Variants in PDE3A observed in about 807,000 individuals in gnomAD.
PDE3A encodes phosphodiesterase 3A.
Under a neutral mutation model 98.3 loss-of-function variants are expected in PDE3A, and 43 were observed. The ratio of observed to expected loss-of-function variants is 0.44; its 90% confidence interval spans 0.34 to 0.56. The LOEUF (loss-of-function observed/expected upper bound fraction) is 0.56. PDE3A is among the 20% of genes least tolerant of loss of function. The pLI, the probability that PDE3A is intolerant of heterozygous loss-of-function variation, is 0.01. For synonymous variants in PDE3A, 663 were observed against 567.9 expected (o/e 1.17, Z -2.38); for missense variants, 1,427 against 1,440.7 (o/e 0.99, Z 0.15).
chr12:20,611,895 AT>A (rs199728715), intron 2 of PDE3A, among the ~76,000 whole-genome samples: 5 of 148,172 alleles, frequency 3.4e-5, no homozygotes, highest in African/African-American at 1.2e-4. Context: ...ATATAATGAA[AT>A]TTAAAAAAAA....
At chr12:20,607,344 G>T (rs1943735033) in intron 2 of PDE3A, among the ~76,000 whole-genome samples, 1 of 151,612 alleles carries the variant, frequency 6.6e-6, no homozygotes, top group Admixed American at 6.6e-5. Flanking sequence ...GGCTGAGGTT[G>T]GAGGATTACT....
At chr12:20,515,699 ATTATTTATTTATTTATTTATTTAT>A (rs58454608) in intron 1 of PDE3A, among the ~76,000 whole-genome samples, 40 of 141,082 alleles carry the variant, frequency 2.8e-4, no homozygotes, top group African/African-American at 9.4e-4. Flanking sequence ...CTCACACTGT[ATTATTTATTTATTTATTTATTTAT>A]TTATTTATTT....
chr12:20,595,788 G>T lies in PDE3A; in HGVS notation c.1012-17655G>T, dbSNP rs143179992. 3.7e-4 allele frequency among the ~76,000 whole-genome samples: 57 copies of T among 152,226 alleles called. 1 individual carries two copies. In the East Asian group the frequency reaches 0.011, roughly 29 times the overall value. ...TGAAAGGGGCCATTGCATCTGCTCT[G>T]TGTCCATTTTTAAGATAAAGCTTTG... On this transcript the variant is annotated intron_variant, in intron 2 of 15. Transcript: ENST00000359062.
chr12:20,472,680 G>A (rs1434601415), intron 1 of PDE3A, among the ~76,000 whole-genome samples: 3 of 152,034 alleles, frequency 2.0e-5, no homozygotes, highest in Non-Finnish European at 4.4e-5. Context: ...AAAAAATAAA[G>A]AACAGTTTAA....
rs1229387896 is a variant in PDE3A at position 20,654,161 on chromosome 12, C to T, written c.3140C>T (p.Pro1047Leu). The T allele has an allele frequency of 6.2e-7, 1 of 1,614,032 alleles. No homozygotes were observed. Among genetic ancestry groups the T allele is most frequent in the Non-Finnish European group, 8.5e-7 (1 of 1,179,902 alleles). The change falls in exon 15 of 16, where the codon CCA becomes CTA. Residue 1047 changes from proline to leucine, a missense_variant. Physicochemically the swap from Pro to Leu is moderately conservative, Grantham distance 98 (BLOSUM62 -3). Around this residue, in one of 3 missense-constraint regions of PDE3A, gnomAD observed 142 missense variants for 133.9 expected, o/e 1.06. Coordinates refer to ENST00000359062, the MANE Select transcript of PDE3A (RefSeq NM_000921.5). ...DDPEEEEEEA[P>L]APNEEETCEN... is the part of the protein sequence containing the mutation. ...CCAGAAGAAGAGGAGGAAGAAGCACCAGCACCAAATGAAGAGGAAACCTGT... is the reference window on the plus strand; with the variant it reads ...CCAGAAGAAGAGGAGGAAGAAGCACTAGCACCAAATGAAGAGGAAACCTGT...
At chr12:20,585,803 A>C (rs753924474) in intron 2 of PDE3A, among the ~76,000 whole-genome samples, 2 of 151,708 alleles carry the variant, frequency 1.3e-5, no homozygotes, top group Admixed American at 6.6e-5. Context: ...TTCAGTTTTG[A>C]CTTTGGTTCA....
In PDE3A at chr12:20,552,007, CTAG is replaced by C; in HGVS notation, c.961-4651_961-4649del. ...CCGGAGCAACGACGGAGCGTACTCC[CTAG>C]TCCTGGCGGGGGGCTACGAGGATGA... On this transcript the variant is annotated intron_variant, in intron 1 of 15. Coordinates refer to ENST00000359062, the MANE Select transcript of PDE3A (RefSeq NM_000921.5). This position sits in a 1 kb window ranked among gnomAD's most constrained non-coding sequence, Gnocchi z 5.1. The C allele has an allele frequency of 6.2e-7, 1 of 1,612,518 alleles. No individual in the cohort carries two copies. The highest frequency in any genetic ancestry group is 1.7e-5 in the Admixed American group (1 of 60,028).
chr12:20,675,654 T>C (rs1945616476), intron 15 of PDE3A, among the ~76,000 whole-genome samples: 1 of 152,238 alleles, frequency 6.6e-6, no homozygotes, highest in Admixed American at 6.5e-5. Flanking sequence ...TATTGGTGCA[T>C]ATATGTTTAG....
chr12:20,422,604 C>T (rs1342751537), intron 1 of PDE3A, among the ~76,000 whole-genome samples: 1 of 152,022 alleles, frequency 6.6e-6, no homozygotes, highest in East Asian at 1.9e-4. Context: ...AGAAAAACAC[C>T]ATAATTTAAA....
At chr12:20,438,336 A>G (rs1224691420) in intron 1 of PDE3A, among the ~76,000 whole-genome samples, 1 of 152,178 alleles carries the variant, frequency 6.6e-6, no homozygotes, top group Non-Finnish European at 1.5e-5. Context: ...TCTGCTGTAT[A>G]TAATGTTAAG....
intron 1 of PDE3A, among the ~76,000 whole-genome samples, chr12:20,456,098 T>C (rs1329480117): frequency 6.6e-6 from 1 of 152,156 alleles, no homozygotes; most frequent in African/African-American, 2.4e-5. Context: ...CGCGACAACC[T>C]GTAGCTTCCC....
rs1210593618 is a variant in PDE3A, at chr12:20,682,591, G to C, written c.*2320G>C. On this transcript the variant is annotated 3_prime_UTR_variant, in exon 16 of 16. Transcript: ENST00000359062. ...CAGTATATTTCTGAATTAACACCAG[G>C]TCTTCATTATTTAGAACTTACTAAA... 1 of 152,050 alleles carries C rather than the reference G, an allele frequency of 6.6e-6. No individual in the cohort carries two copies. Among genetic ancestry groups the C allele is most frequent in the Non-Finnish European group, 1.5e-5 (1 of 68,002 alleles). 9.4% of individuals were successfully genotyped at this position (152,050 alleles called of 1,614,324 possible). A position where few individuals can be genotyped will look rare whatever the true frequency, so the allele number is the denominator to read the frequency against.
At chr12:20,475,626 A>G (rs1283762091) in intron 1 of PDE3A, among the ~76,000 whole-genome samples, 2 of 152,074 alleles carry the variant, frequency 1.3e-5, no homozygotes, top group Non-Finnish European at 2.9e-5. Context: ...GCTACTCGAG[A>G]GGCTGAAGTA....
intron 15 of PDE3A, among the ~76,000 whole-genome samples, chr12:20,657,840 G>A (rs1206005462): frequency 2.0e-5 from 3 of 152,088 alleles, no homozygotes; most frequent in East Asian, 1.9e-4. Context: ...TGCCCTGGAA[G>A]GAAAAAAGAG....
chr12:20,626,943 G>A (rs1386640236), intron 5 of PDE3A, among the ~76,000 whole-genome samples: 5 of 152,008 alleles, frequency 3.3e-5, no homozygotes, highest in South Asian at 2.1e-4. Context: ...TAGTTAATCC[G>A]TGAGTTCCAA....
intron 2 of PDE3A, among the ~76,000 whole-genome samples, chr12:20,608,644 A>G (rs1278962620): frequency 6.6e-6 from 1 of 152,016 alleles, no homozygotes; most frequent in African/African-American, 2.4e-5. Context: ...TTTTTTCTAT[A>G]TATACAAGAA....
rs1945745942 is a variant in PDE3A at position 20,680,364 on chromosome 12, T to C, written c.*93T>C. 3 of 1,287,028 alleles carry C rather than the reference T, an allele frequency of 2.3e-6. No homozygotes were observed. The East Asian group carries it at 7.2e-5, about 31-fold the overall frequency. The allele number at this position is 1,287,028 out of a possible 1,614,324, so 79.7% of individuals were successfully genotyped here. On this transcript the variant is annotated 3_prime_UTR_variant, in exon 16 of 16. Transcript: ENST00000359062. ...ACATTTAGACACAACACTGTAGAAA[T>C]TTGAGATGGGCAAATGGCTATTGCA...
chr12:20,433,508 T>A (rs984780730), intron 1 of PDE3A, among the ~76,000 whole-genome samples: 4 of 152,170 alleles, frequency 2.6e-5, no homozygotes, highest in Non-Finnish European at 5.9e-5. Flanking sequence ...TTTAAATATA[T>A]GAAAATTTTG....
chr12:20,498,042 A>G (rs796430851), intron 1 of PDE3A, among the ~76,000 whole-genome samples: 6 of 152,320 alleles, frequency 3.9e-5, no homozygotes, highest in African/African-American at 1.4e-4. Flanking sequence ...AAGATTTAGT[A>G]GTGTTATACG....
Sources: allele counts gnomAD v4.1 joint callset (sites outside exome capture counted in the v4.1 genomes callset), GRCh38; gene constraint gnomAD v4.1.1; regional missense constraint gnomAD v4.1.1; non-coding constraint Gnocchi (gnomAD v3.1); transcripts MANE v1.5; gene names NCBI Gene and HGNC (gene_info 2026-07-23, HGNC 2026-07-21).